The following ESCO2 variants were observed in gnomAD, a reference collection of about 807,000 sequenced individuals.
ESCO2 encodes establishment of sister chromatid cohesion N-acetyltransferase 2.
Under a neutral mutation model 61.7 loss-of-function variants are expected in ESCO2, and 51 were observed. The observed-to-expected ratio is 0.83, with a 90% CI of 0.66 to 1.04. ESCO2 has a LOEUF of 1.04. ESCO2 is among the 50% of genes least tolerant of loss of function. The pLI, the probability that ESCO2 is intolerant of heterozygous loss-of-function variation, is 0.00. For missense variants in ESCO2, 692 were observed against 686.2 expected (o/e 1.01, Z -0.09); for synonymous variants, 230 against 238.2 (o/e 0.97, Z 0.32).
intron 9 of ESCO2, 102 bp from the exon 10 acceptor site, chr8:27,799,439 G>A: frequency 8.7e-7 from 1 of 1,148,052 alleles, no homozygotes; most frequent in South Asian, 1.2e-5. Context: ...CATACTTGGA[G>A]ATATAAGTTA....
At position 27,787,904 on chromosome 8, in the gene ESCO2, T is replaced by C; in HGVS notation, c.1033T>C (p.Phe345Leu). 1.2e-6 allele frequency: 2 copies of C among 1,613,298 alleles called. No homozygotes were observed. Among genetic ancestry groups the C allele is most frequent in the Non-Finnish European group, 1.7e-6 (2 of 1,179,506 alleles). The change falls in exon 6 of 11, where the codon TTT (phenylalanine) becomes CTT (leucine). Residue 345 changes from phenylalanine to leucine, a missense_variant. By Grantham distance (22) the Phe-to-Leu change is conservative. Transcript: ENST00000305188. ...NSKRSLGEEQ[F>L]SVGSVNFMKQ... is the part of the protein sequence containing the mutation. Reference sequence around the variant, plus strand: ...GTCAAGATCTTTAGGTGAAGAACAGTTTTCTGTGGGATCTGTCAACTTCAT... The same window carrying C: ...GTCAAGATCTTTAGGTGAAGAACAGCTTTCTGTGGGATCTGTCAACTTCAT...
chr8:27,781,910 A>C (rs1377128774), intron 4 of ESCO2, among the ~76,000 whole-genome samples: 2 of 152,056 alleles, frequency 1.3e-5, no homozygotes, highest in Non-Finnish European at 2.9e-5. Flanking sequence ...ATTACTGTTA[A>C]CTAAACTCTA....
chr8:27,793,200 AT>A (rs1805216393), intron 9 of ESCO2, among the ~76,000 whole-genome samples: 1 of 152,218 alleles, frequency 6.6e-6, no homozygotes, highest in African/African-American at 2.4e-5. Context: ...TCTAGAAGAC[AT>A]GTAGTTTCTC....
downstream of ESCO2, chr8:27,811,387 A>C: frequency 3.5e-6 from 2 of 567,806 alleles, no homozygotes; most frequent in Non-Finnish European, 3.1e-6. Flanking sequence ...GGAATATAGA[A>C]TGTGGATGTT....
At chr8:27,809,037 G>A (rs1382372650), downstream of ESCO2, among the ~76,000 whole-genome samples, 1 of 152,132 alleles carries the variant, frequency 6.6e-6, no homozygotes, top group Non-Finnish European at 1.5e-5. Flanking sequence ...GTATTAAAGA[G>A]CCAATTCAAG....
At chr8:27,777,217 A>G in intron 3 of ESCO2, 48 bp downstream of exon 3, 1 of 1,527,418 alleles carries the variant, frequency 6.5e-7, no homozygotes, top group Non-Finnish European at 8.9e-7. Flanking sequence ...ACAAAACTTC[A>G]GTATAAATGA....
chr8:27,788,838 C>G lies in ESCO2; in HGVS notation c.1132-9C>G. 1 of 1,613,880 alleles carries G rather than the reference C, an allele frequency of 6.2e-7. No homozygotes were observed. Among genetic ancestry groups the G allele is most frequent in the Non-Finnish European group, 8.5e-7 (1 of 1,179,936 alleles). ...TAAATGGGTTTCTTTTTTTACCCCC[C>G]AATTATAGGACGCTGGTCAGAAACA... On this transcript the variant is annotated splice_polypyrimidine_tract_variant and intron_variant, in intron 6 of 10. Coordinates refer to ENST00000305188, the MANE Select transcript of ESCO2 (RefSeq NM_001017420.3).
chr8:27,785,907 T>C (rs1000433807), intron 5 of ESCO2, among the ~76,000 whole-genome samples: 1 of 152,184 alleles, frequency 6.6e-6, no homozygotes, highest in African/African-American at 2.4e-5. Context: ...GCTATTGAAC[T>C]ATACTGAGTT....
At chr8:27,778,943 TCTCA>T (rs1434416137) in intron 3 of ESCO2, 1 of 152,224 alleles carries the variant, frequency 6.6e-6, no homozygotes, top group African/African-American at 2.4e-5. Context: ...TGAGATGGAG[TCTCA>T]CTCCGTTGCC....
chr8:27,792,751 T>C lies in ESCO2; in HGVS notation c.1437T>C (p.Phe479=), dbSNP rs1221060352. 5 of 1,611,382 alleles carry C rather than the reference T, an allele frequency of 3.1e-6. No homozygotes were observed. The highest frequency in any genetic ancestry group is 4.2e-6 in the Non-Finnish European group (5 of 1,179,158). The change falls in exon 9 of 11, where the codon TTT becomes TTC. Residue 479 remains phenylalanine (F), a synonymous_variant. Transcript: ENST00000305188. ...VPKCPNKIKT[F]LFISDEKRVV... ...AATGTCCAAACAAAATAAAAACTTT[T>C]CTTTTTATATCTGATGAAAAGAGAG...
At chr8:27,818,206 G>T in the ESCO2 span, among the ~76,000 whole-genome samples, 8 of 152,156 alleles carry the variant, frequency 5.3e-5, no homozygotes, top group Non-Finnish European at 1.2e-4. Flanking sequence ...AGTTTTTGAG[G>T]TCTGTGTTAC....
At chr8:27,812,681 CAAA>C (rs1399878190), downstream of ESCO2, 2 of 150,006 alleles carry the variant, frequency 1.3e-5, no homozygotes, top group Non-Finnish European at 3.0e-5. Context: ...GACAACTTCT[CAAA>C]AGAAGACATT....
At chr8:27,786,367 A>G (rs942336125) in intron 5 of ESCO2, among the ~76,000 whole-genome samples, 1 of 152,222 alleles carries the variant, frequency 6.6e-6, no homozygotes, top group Non-Finnish European at 1.5e-5. Flanking sequence ...GATTTATCAC[A>G]GGTTCACGTG....
downstream of ESCO2, chr8:27,810,268 G>C (rs765577188): frequency 7.2e-6 from 10 of 1,389,616 alleles, no homozygotes; most frequent in South Asian, 1.2e-4. Flanking sequence ...GGAATAAACA[G>C]TTATTTACGC....
At position 27,803,450 on chromosome 8, in the gene ESCO2, G is replaced by T. The variant is rs1248234223; in HGVS notation, c.*12G>T. 6.2e-7 allele frequency: 1 copy of T among 1,611,952 alleles called. No homozygotes were observed. The highest frequency in any genetic ancestry group is 1.3e-5 in the African/African-American group (1 of 74,772). On this transcript the variant is annotated 3_prime_UTR_variant, in exon 11 of 11. Transcript: ENST00000305188. ...ATTTTAATAGTTAAAGCTGATTTCA[G>T]TTATAAAGGAGTTACTATCTGGATA...
At chr8:27,818,154 A>C in the ESCO2 span, among the ~76,000 whole-genome samples, 1 of 152,214 alleles carries the variant, frequency 6.6e-6, no homozygotes, top group East Asian at 1.9e-4. Context: ...GCTAATGGCC[A>C]TGCAGCTTGA....
chr8:27,775,680 A>G (rs2128950804), intron 2 of ESCO2, 113 bp downstream of exon 2: 2 of 919,634 alleles, frequency 2.2e-6, no homozygotes. Flanking sequence ...CCTTGTGGCT[A>G]CAGTGATAAC....
chr8:27,776,516 T>C lies in ESCO2; in HGVS notation c.208T>C (p.Ser70Pro). The C allele has an allele frequency of 6.2e-7, 1 of 1,614,020 alleles. No individual in the cohort carries two copies. Among genetic ancestry groups the C allele is most frequent in the South Asian group, 1.1e-5 (1 of 91,018 alleles). Residue 70 changes from serine to proline, a missense_variant, in exon 3 of 11, where the codon TCA becomes CCA. Ser to Pro is a moderately conservative substitution (Grantham distance 74). Coordinates refer to ENST00000305188, the MANE Select transcript of ESCO2 (RefSeq NM_001017420.3). ...LKTTEINRLP[S>P]ANQGSPFKSA... Reference sequence around the variant, plus strand: ...AACAACTGAAATAAATAGACTGCCATCAGCAAATCAAGGCTCACCATTTAA... The same window carrying C: ...AACAACTGAAATAAATAGACTGCCACCAGCAAATCAAGGCTCACCATTTAA...
At chr8:27,790,045 A>G (rs538711681) in intron 7 of ESCO2, among the ~76,000 whole-genome samples, 24 of 152,332 alleles carry the variant, frequency 1.6e-4, no homozygotes, top group South Asian at 8.3e-4. Context: ...CAAATTTGAC[A>G]GCTTTCTGTT....
Sources: allele counts gnomAD v4.1 joint callset (sites outside exome capture counted in the v4.1 genomes callset), GRCh38; gene constraint gnomAD v4.1.1; transcripts MANE v1.5; gene names NCBI Gene and HGNC (gene_info 2026-07-23, HGNC 2026-07-21).